Variants in NOTCH4 observed in about 807,000 individuals in gnomAD.
NOTCH4 encodes neurogenic locus notch homolog protein 4.
A neutral mutation model predicts 189.0 loss-of-function variants in NOTCH4; 138 were observed. The ratio of observed to expected loss-of-function variants is 0.73; its 90% CI spans 0.64 to 0.84. The LOEUF is 0.84. NOTCH4 is among the 40% of genes least tolerant of loss of function. The pLI is 0.00. For synonymous variants in NOTCH4, 942 were observed against 1,032.8 expected, an observed-to-expected ratio of 0.91 and a Z score of 1.69; for missense variants, 2,286 against 2,605.4, an observed-to-expected ratio of 0.88 and a Z score of 2.67.
intron 19 of NOTCH4, 113 bp from the exon 20 acceptor site, chr6:32,203,995 G>A: frequency 2.2e-6 from 3 of 1,363,316 alleles, no homozygotes; most frequent in Non-Finnish European, 3.0e-6. Context: ...GGATCCTGGG[G>A]CATCTTTTCT....
intron 2 of NOTCH4, 90 bp from the exon 3 acceptor site, chr6:32,222,896 A>G (rs1789878484): frequency 6.5e-7 from 1 of 1,543,076 alleles, no homozygotes; most frequent in Non-Finnish European, 8.9e-7. Flanking sequence ...GTTTCCCTTC[A>G]TCTCCTTCAC....
chr6:32,220,370 T>C, intron 6 of NOTCH4, 35 bp downstream of exon 6: 1 of 1,612,514 alleles, frequency 6.2e-7, no homozygotes, highest in African/African-American at 1.3e-5. Flanking sequence ...CCTCCTTCTC[T>C]ACCTCCCACC....
intron 1 of NOTCH4, 104 bp downstream of exon 1, chr6:32,223,752 C>T (rs887518220): frequency 1.5e-5 from 18 of 1,169,450 alleles, no homozygotes; most frequent in Non-Finnish European, 2.2e-5. Flanking sequence ...TCTCCTCCAT[C>T]CAGCATCCCT....
At position 32,219,640 on chromosome 6, in the gene NOTCH4, T is replaced by A; in HGVS notation, c.1462A>T (p.Ser488Cys). The A allele has an allele frequency of 6.2e-7, 1 of 1,613,142 alleles. No individual in the cohort carries two copies. Among genetic ancestry groups the A allele is most frequent in the South Asian group, 1.1e-5 (1 of 91,062 alleles). The part of the protein sequence containing the change: ...ECLSQPCHPG[S>C]TCLDLLATFH... Reference sequence around the variant, plus strand: ...GTGGCAAGTAGGTCCAGACAGGTGCTTCCTGGGTGGCAGGGCTGGGAGAGG... The same window carrying A: ...GTGGCAAGTAGGTCCAGACAGGTGCATCCTGGGTGGCAGGGCTGGGAGAGG... Residue 488 changes from serine to cysteine, a missense_variant, in exon 8 of 30, where the codon AGC becomes TGC. Ser to Cys is a moderately radical substitution (Grantham distance 112). Transcript: ENST00000375023.
chr6:32,197,979 G>C (rs528251442), intron 26 of NOTCH4, among the ~76,000 whole-genome samples: 1 of 152,024 alleles, frequency 6.6e-6, no homozygotes, highest in Non-Finnish European at 1.5e-5. Context: ...CCGCCACCAC[G>C]CCCGGCTAAT....
intron 28 of NOTCH4, 108 bp from the exon 29 acceptor site, chr6:32,196,529 C>T (rs1333477926): frequency 3.0e-5 from 42 of 1,395,592 alleles, no homozygotes; most frequent in African/African-American, 4.3e-5. Flanking sequence ...GCCGGCTGGT[C>T]CCTCAAAGGC....
intron 26 of NOTCH4, 71 bp from the exon 27 acceptor site, chr6:32,197,665 A>AGGTTTT: frequency 1.4e-6 from 2 of 1,382,118 alleles, no homozygotes; most frequent in Non-Finnish European, 2.0e-6. Flanking sequence ...ATGTAAGCTC[A>AGGTTTT]GAGAGAATCA....
rs769299496 is a variant in NOTCH4 at position 32,215,219 on chromosome 6, A to T, written c.2021+7T>A. The T allele has an allele frequency of 5.0e-6, 8 of 1,590,384 alleles. No individual in the cohort carries two copies. Among genetic ancestry groups the T allele is most frequent in the Non-Finnish European group, 6.8e-6 (8 of 1,170,110 alleles). Reference sequence around the variant, plus strand: ...GGGGCAGATGGGGAGGGTCTGGAAGATGTTACCTCTGGCAGTGCCCGTGGT... The same window carrying T: ...GGGGCAGATGGGGAGGGTCTGGAAGTTGTTACCTCTGGCAGTGCCCGTGGT... On this transcript the variant is annotated splice_region_variant and intron_variant, in intron 12 of 29. Transcript: ENST00000375023.
Position 32,210,668 on chromosome 6 carries a change from A to G in NOTCH4, c.2865+84T>C. ...AAATAAAAGGAGGTGAAATGGATAC[A>G]TTGGGTCTTCCCTCAGTCACTACTG... On this transcript the variant is annotated intron_variant, in intron 18 of 29. Coordinates refer to ENST00000375023, the MANE Select transcript of NOTCH4 (RefSeq NM_004557.4). The surrounding 1 kb of genome is among the most constrained non-coding windows in gnomAD (Gnocchi z 4.8). 1 of 1,350,416 alleles carries G rather than the reference A, an allele frequency of 7.4e-7. No homozygotes were observed. Among genetic ancestry groups the G allele is most frequent in the Non-Finnish European group, 1.1e-6 (1 of 950,586 alleles). The allele number at this position is 1,350,416 out of a possible 1,614,324, so 83.7% of individuals were successfully genotyped here. A position where few individuals can be genotyped will look rare whatever the true frequency, so the allele number is the denominator to read the frequency against.
In NOTCH4 at chr6:32,222,774, T is replaced by TGGCACGTCTCACCCAGGAAGCC; in HGVS notation, c.166_187dup (p.Gln63ArgfsTer5). On this transcript the variant is annotated stop_gained and frameshift_variant, in exon 3 of 30. Transcript: ENST00000375023. LOFTEE classifies it high-confidence loss of function. ...GGCGTTCTGGCAGGGGTCAGGAAAC[T>TGGCACGTCTCACCCAGGAAGCC]GGCACGTCTCACCCAGGAAGCCAGG... 1.2e-6 allele frequency: 2 copies of TGGCACGTCTCACCCAGGAAGCC among 1,611,310 alleles called. No homozygotes were observed. The highest frequency in any genetic ancestry group is 8.5e-7 in the Non-Finnish European group (1 of 1,179,030).
rs1259826464 is a variant in NOTCH4, at chr6:32,221,122, G to A, written c.655C>T (p.Gln219Ter). 4 of 1,613,000 alleles carry A rather than the reference G, an allele frequency of 2.5e-6. No individual in the cohort carries two copies. Among genetic ancestry groups the A allele is most frequent in the South Asian group, 1.1e-5 (1 of 91,090 alleles). ...TCCTGCCCCACAGGGCAGAGGCACT[G>A]GAAGGAGCCCAGGGTGTTATGGCAG... is the stretch of plus-strand genomic sequence containing the variant. ...TSCHNTLGSF[Q>*]CLCPVGQEGP... Residue 219 changes from glutamine (Q) to a stop codon, truncating the protein, a stop_gained, in exon 4 of 30, where the codon CAG (glutamine) becomes TAG (stop). Coordinates refer to ENST00000375023, the MANE Select transcript of NOTCH4 (RefSeq NM_004557.4). LOFTEE classifies it high-confidence loss of function. This position sits in a 1 kb window ranked among gnomAD's most constrained non-coding sequence, Gnocchi z 4.3.
rs753701750 is a variant in NOTCH4, at chr6:32,196,377, C to T, written c.5245G>A (p.Ala1749Thr). The T allele has an allele frequency of 6.2e-7, 1 of 1,613,122 alleles. No homozygotes were observed. The highest frequency in any genetic ancestry group is 8.5e-7 in the Non-Finnish European group (1 of 1,180,032). ...CCGGCCTGGAGAAGCGAGCGGGCGG[C>T]TCGGGCGTTGTTCACGGCAGCAGCC... Reference protein sequence around the residue: ...HWAAAVNNARAARSLLQAGAD... With the variant: ...HWAAAVNNARTARSLLQAGAD... Residue 1749 changes from alanine (A) to threonine (T), a missense_variant, in exon 29 of 30, where the codon GCC becomes ACC. By Grantham distance (58) the Ala-to-Thr change is moderately conservative. This residue lies in a region of NOTCH4 where 1,903 missense variants were observed against 2,261.9 expected (regional missense o/e 0.84). Transcript: ENST00000375023.
rs370312303 is a variant in NOTCH4 at position 32,220,411 on chromosome 6, G to C, written c.1153C>G (p.Arg385Gly). 1 of 1,613,992 alleles carries C rather than the reference G, an allele frequency of 6.2e-7. No homozygotes were observed. The highest frequency in any genetic ancestry group is 2.2e-5 in the East Asian group (1 of 44,882). ...ATACCCTCTACCCCCATACCTGTGC[G>C]TCCAGGTGGGCAGAGGCAGGAGAAA... ...GSFSCLCPPG[R>G]TGLLCHLEDM... Residue 385 changes from arginine to glycine, a missense_variant, in exon 6 of 30, where the codon CGC becomes GGC. Arg to Gly is a moderately radical substitution (Grantham distance 125, BLOSUM62 -2). This residue lies in a region of NOTCH4 where 1,903 missense variants were observed against 2,261.9 expected (regional missense o/e 0.84). Transcript: ENST00000375023.
intron 11 of NOTCH4, 74 bp from the exon 12 acceptor site, chr6:32,215,459 T>C (rs560434538): frequency 9.0e-5 from 130 of 1,449,466 alleles, no homozygotes; most frequent in African/African-American, 8.4e-4. Flanking sequence ...ACATCCTTCA[T>C]TGGGCCAAAG....
chr6:32,218,041 C>G lies in NOTCH4; in HGVS notation c.1578G>C (p.Ala526=), dbSNP rs61729683. Residue 526 remains alanine, a synonymous_variant, in exon 9 of 30, where the codon GCG becomes GCC. Transcript: ENST00000375023. The stretch of plus-strand genomic sequence containing the variant: ...AGCCGTTGAGCAGGTCATGGCAATC[C>G]GCGTGGTTCAGGCAGGGAGCTGAGG... ...ECASAPCLNH[A]DCHDLLNGFQ... 6.2e-7 allele frequency: 1 copy of G among 1,613,968 alleles called. No individual in the cohort carries two copies. Among genetic ancestry groups the G allele is most frequent in the Non-Finnish European group, 8.5e-7 (1 of 1,179,946 alleles).
In NOTCH4 at chr6:32,197,004, C is replaced by G. The variant is rs762739152; in HGVS notation, c.5121G>C (p.Leu1707=). Residue 1707 remains leucine (L), a synonymous_variant, in exon 28 of 30, where the codon CTG becomes CTC. Transcript: ENST00000375023. ...RTEDGTTPLM[L]AARLAVEDLV... ...GGTCTTCCACCGCCAGCCTGGCAGC[C>G]AGCATCAAGGGTGTGGTCCCGTCCT... 1.5e-5 allele frequency: 24 copies of G among 1,612,898 alleles called. No individual in the cohort carries two copies. The highest frequency in any genetic ancestry group is 1.8e-5 in the Non-Finnish European group (21 of 1,180,040).
At position 32,196,128 on chromosome 6, in the gene NOTCH4, GC is replaced by G; in HGVS notation, c.5320del (p.Ala1774ArgfsTer9). ...DNREQTPLFLAAREGAVEVAQ... is the reference protein window; with the variant it reads ...DNREQTPLFLXAREGAVEVAQ... Reference sequence around the variant, plus strand: ...TACTTCCACCGCTCCTTCCCGCGCCGCCAGGAATAGCGGCGTCTGCTCCTGT... The same window carrying G: ...TACTTCCACCGCTCCTTCCCGCGCCGCAGGAATAGCGGCGTCTGCTCCTGT... On this transcript the variant is annotated frameshift_variant, in exon 30 of 30. Transcript: ENST00000375023. LOFTEE classifies it low-confidence loss of function (END_TRUNC). The G allele has an allele frequency of 6.3e-7, 1 of 1,588,478 alleles. No homozygotes were observed. Among genetic ancestry groups the G allele is most frequent in the Non-Finnish European group, 8.5e-7 (1 of 1,174,338 alleles).
rs1435127495 is a variant in NOTCH4 at position 32,206,907 on chromosome 6, C to A, written c.2866-2518G>T. 2.6e-5 allele frequency among the ~76,000 whole-genome samples: 4 copies of A among 151,684 alleles called. No homozygotes were observed. In the East Asian group the frequency reaches 7.9e-4, roughly 30 times the overall value. ...AAAAACAAGTCCAAACATTTAACAG[C>A]CAACTTACTTTCTTTTTTCTTTTCT... On this transcript the variant is annotated intron_variant, in intron 18 of 29. Coordinates refer to ENST00000375023, the MANE Select transcript of NOTCH4 (RefSeq NM_004557.4).
chr6:32,213,741 G>A lies in NOTCH4; in HGVS notation c.2267C>T (p.Pro756Leu), dbSNP rs367922162. Reference protein sequence around the residue: ...PSPGGYYCTCPPSHTGPQCQT... With the variant: ...PSPGGYYCTCLPSHTGPQCQT... The stretch of plus-strand genomic sequence containing the variant: ...GCACTGGGGCCCTGTGTGGCTTGGA[G>A]GGCAGGTGCAGTAGTAGCCTCCAGG... Residue 756 changes from proline to leucine, a missense_variant, in exon 14 of 30, where the codon CCT becomes CTT. Coordinates refer to ENST00000375023, the MANE Select transcript of NOTCH4 (RefSeq NM_004557.4). The A allele has an allele frequency of 4.8e-5, 77 of 1,612,784 alleles. No homozygotes were observed. Among genetic ancestry groups the A allele is most frequent in the Non-Finnish European group, 6.2e-5 (73 of 1,180,010 alleles).
Sources: allele counts gnomAD v4.1 joint callset (sites outside exome capture counted in the v4.1 genomes callset), GRCh38; gene constraint gnomAD v4.1.1; regional missense constraint gnomAD v4.1.1; non-coding constraint Gnocchi (gnomAD v3.1); transcripts MANE v1.5; gene names NCBI Gene and HGNC (gene_info 2026-07-23, HGNC 2026-07-21).